The following PELI2 variants were observed in gnomAD, a reference collection of about 807,000 sequenced individuals.
The protein encoded by PELI2 is E3 ubiquitin-protein ligase pellino homolog 2.
PELI2 carries 23 observed loss-of-function variants against 42.3 expected under a neutral mutation model. That is an observed-to-expected ratio of 0.54 (90% CI 0.39 to 0.77). The LOEUF is 0.77. Ranked by LOEUF, PELI2 falls within the 30% of genes least tolerant of loss-of-function variation. The pLI, the probability that PELI2 is intolerant of heterozygous loss-of-function variation, is 0.00. For missense variants in PELI2, 463 were observed against 553.2 expected (o/e 0.84, Z 1.64); for synonymous variants, 245 against 212.2 (o/e 1.15, Z -1.34).
intron 1 of PELI2, among the ~76,000 whole-genome samples, chr14:56,123,571 C>T (rs1013067147): frequency 4.6e-5 from 7 of 152,028 alleles, no homozygotes; most frequent in African/African-American, 1.7e-4. Context: ...GAATATGTGG[C>T]TGTCTGTGTT....
Position 56,233,460 on chromosome 14 carries a change from A to C in PELI2, c.208-46216A>C, listed in dbSNP as rs542904936. Reference sequence around the variant, plus strand: ...CTCAGAAGTAATACCACACATCTACAACCATCTGATCTTTGACAAACCTGA... The same window carrying C: ...CTCAGAAGTAATACCACACATCTACCACCATCTGATCTTTGACAAACCTGA... On this transcript the variant is annotated intron_variant, in intron 2 of 5. Transcript: ENST00000267460. Among the ~76,000 whole-genome samples, 4 of 152,276 alleles carry C rather than the reference A, an allele frequency of 2.6e-5. No homozygotes were observed. The South Asian group carries it at 6.2e-4, about 24-fold the overall frequency.
chr14:56,233,222 G>C (rs906326362), intron 2 of PELI2, among the ~76,000 whole-genome samples: 1 of 152,146 alleles, frequency 6.6e-6, no homozygotes, highest in African/African-American at 2.4e-5. Context: ...CAAGCTAGCA[G>C]TGACTTTCTT....
At chr14:56,162,965 T>C (rs1884820583) in intron 1 of PELI2, among the ~76,000 whole-genome samples, 1 of 152,104 alleles carries the variant, frequency 6.6e-6, no homozygotes, top group Admixed American at 6.5e-5. Context: ...TTTTTTTGTT[T>C]GAGCTCCTTA....
chr14:56,284,271 G>A (rs1889576395), intron 3 of PELI2, among the ~76,000 whole-genome samples: 1 of 152,118 alleles, frequency 6.6e-6, no homozygotes, highest in Non-Finnish European at 1.5e-5. Context: ...ATTATTTTCT[G>A]GAGTAGGCAT....
At position 56,297,222 on chromosome 14, in the gene PELI2, C is replaced by A; in HGVS notation, c.*56C>A. 1 of 1,254,936 alleles carries A rather than the reference C, an allele frequency of 8.0e-7. No individual in the cohort carries two copies. Among genetic ancestry groups the A allele is most frequent in the Non-Finnish European group, 1.1e-6 (1 of 899,936 alleles). The allele number at this position is 1,254,936 out of a possible 1,614,324, so 77.7% of individuals were successfully genotyped here. ...ACAGGTTACTGTGAAGATTTTGCCA[C>A]TAACTCTAGATTTTACCTTTTTGTA... On this transcript the variant is annotated 3_prime_UTR_variant, in exon 6 of 6. Coordinates refer to ENST00000267460, the MANE Select transcript of PELI2 (RefSeq NM_021255.3).
Position 56,285,407 on chromosome 14 carries a change from C to A in PELI2, c.310-3030C>A, listed in dbSNP as rs146300434. Among the ~76,000 whole-genome samples, 428 of 152,242 alleles carry A rather than the reference C, an allele frequency of 2.8e-3. 1 individual carries two copies. The highest frequency in any genetic ancestry group is 9.5e-3 in the African/African-American group (395 of 41,538). ...GAAGGGGGATCCAAGTTCTGTTTGG[C>A]ATATATTACATTTGAGATATTTATC... On this transcript the variant is annotated intron_variant, in intron 3 of 5. Transcript: ENST00000267460.
At chr14:56,275,207 G>A (rs768482039) in intron 2 of PELI2, among the ~76,000 whole-genome samples, 3 of 152,138 alleles carry the variant, frequency 2.0e-5, no homozygotes, top group Non-Finnish European at 2.9e-5. Flanking sequence ...GTGGCGACCT[G>A]CGTTCTCATC....
At chr14:56,284,453 G>A (rs1168234872) in intron 3 of PELI2, among the ~76,000 whole-genome samples, 3 of 152,182 alleles carry the variant, frequency 2.0e-5, no homozygotes, top group Non-Finnish European at 4.4e-5. Flanking sequence ...TGCAGCCGGT[G>A]TTCAGGGGCC....
intron 2 of PELI2, among the ~76,000 whole-genome samples, chr14:56,255,118 CA>C (rs1208249636): frequency 6.6e-6 from 1 of 152,164 alleles, no homozygotes; most frequent in Admixed American, 6.5e-5. Context: ...CCATTTGACC[CA>C]GCAATCCCAT....
chr14:56,253,597 A>G (rs1311800677), intron 2 of PELI2, among the ~76,000 whole-genome samples: 5 of 152,242 alleles, frequency 3.3e-5, no homozygotes. Context: ...ACACCCATTC[A>G]CAATTGCTGC....
chr14:56,144,651 G>A (rs1884042510), intron 1 of PELI2, among the ~76,000 whole-genome samples: 1 of 152,154 alleles, frequency 6.6e-6, no homozygotes, highest in South Asian at 2.1e-4. Flanking sequence ...TTACAAAATT[G>A]CTAATATGAT....
chr14:56,131,273 T>C (rs1402046826), intron 1 of PELI2, among the ~76,000 whole-genome samples: 1 of 152,220 alleles, frequency 6.6e-6, no homozygotes, highest in African/African-American at 2.4e-5. Context: ...GAAACTCAGT[T>C]GATTTAGACC....
rs1280951075 is a variant in PELI2, at chr14:56,263,654, T to C, written c.208-16022T>C. Among the ~76,000 whole-genome samples, 4 of 152,114 alleles carry C rather than the reference T, an allele frequency of 2.6e-5. No individual in the cohort carries two copies. In the East Asian group the frequency reaches 5.8e-4, roughly 22 times the overall value. ...ATCACTTAAAACAGGAAGATATAAA[T>C]ATATTTAAAGGTTTAAAAAGCAAAC... On this transcript the variant is annotated intron_variant, in intron 2 of 5. Coordinates refer to ENST00000267460, the MANE Select transcript of PELI2 (RefSeq NM_021255.3).
At chr14:56,238,260 T>C (rs112555011) in intron 2 of PELI2, among the ~76,000 whole-genome samples, 4 of 152,218 alleles carry the variant, frequency 2.6e-5, no homozygotes, top group Admixed American at 6.5e-5. Flanking sequence ...TAAAATGTTA[T>C]ATTTTACAGA....
At chr14:56,214,286 T>C (rs1347238892) in intron 2 of PELI2, among the ~76,000 whole-genome samples, 1 of 151,848 alleles carries the variant, frequency 6.6e-6, no homozygotes, top group Non-Finnish European at 1.5e-5. Context: ...GGAGAGAGGG[T>C]AGAGCCCCTG....
intron 1 of PELI2, among the ~76,000 whole-genome samples, chr14:56,120,901 T>C (rs1346408847): frequency 2.6e-5 from 4 of 152,152 alleles, no homozygotes; most frequent in Non-Finnish European, 5.9e-5. Context: ...TGAATTGTGG[T>C]ATTTTTCTTT....
At chr14:56,278,978 C>T (rs1889388869) in intron 2 of PELI2, among the ~76,000 whole-genome samples, 1 of 152,056 alleles carries the variant, frequency 6.6e-6, no homozygotes, top group Non-Finnish European at 1.5e-5. Context: ...TCAAACATAT[C>T]ACTATGGACA....
chr14:56,267,776 C>G (rs1361827218), intron 2 of PELI2, among the ~76,000 whole-genome samples: 2 of 152,114 alleles, frequency 1.3e-5, no homozygotes, highest in Non-Finnish European at 2.9e-5. Flanking sequence ...AAATTGGAAT[C>G]TTCCCGTTTT....
At chr14:56,153,145 T>G (rs1884424665) in intron 1 of PELI2, among the ~76,000 whole-genome samples, 1 of 152,190 alleles carries the variant, frequency 6.6e-6, no homozygotes, top group Non-Finnish European at 1.5e-5. Context: ...ATTAGCATTT[T>G]AAAAAAAGCA....
Sources: allele counts gnomAD v4.1 joint callset (sites outside exome capture counted in the v4.1 genomes callset), GRCh38; gene constraint gnomAD v4.1.1; transcripts MANE v1.5; gene names NCBI Gene and HGNC (gene_info 2026-07-23, HGNC 2026-07-21).